Variants in SPMAP2 observed in about 807,000 individuals in gnomAD.
SPMAP2 encodes sperm microtubule associated protein 2.
At chr19:365,452 T>C in the SPMAP2 span, among the ~76,000 whole-genome samples, 7 of 152,016 alleles carry the variant, frequency 4.6e-5, no homozygotes, top group East Asian at 1.3e-3. Flanking sequence ...CAGCAGCAAC[T>C]GAGCCCACAT....
At chr19:361,929 G>A in the SPMAP2 span, 7,772 of 238,244 alleles carry the variant, frequency 0.033, 745 homozygotes, top group African/African-American at 0.09. Flanking sequence ...TGTGGCTGTC[G>A]TTCCGACTCC....
chr19:375,606 GC>G, the SPMAP2 span: 2 of 1,461,380 alleles, frequency 1.4e-6, no homozygotes, highest in Non-Finnish European at 9.1e-7. Context: ...TCCCCCCACT[GC>G]CAGGGGCTGA....
chr19:371,526 CA>C, the SPMAP2 span, among the ~76,000 whole-genome samples: 1 of 152,170 alleles, frequency 6.6e-6, no homozygotes, highest in African/African-American at 2.4e-5. Context: ...CGTCTCCAAA[CA>C]GGGATTCGTA....
chr19:371,344 G>T, the SPMAP2 span: 1 of 1,398,150 alleles, frequency 7.2e-7, no homozygotes, highest in Non-Finnish European at 9.5e-7. Flanking sequence ...CCCCATTTTA[G>T]ACCAGCAGCT....
chr19:371,371 T>TGGGG, the SPMAP2 span: 1 of 260,698 alleles, frequency 3.8e-6, no homozygotes, highest in South Asian at 9.7e-5. Context: ...GGGGTGGGGG[T>TGGGG]GTGTGTGTGT....
chr19:371,373 T>G, the SPMAP2 span: 10 of 512,888 alleles, frequency 1.9e-5, no homozygotes, highest in East Asian at 4.0e-5. Flanking sequence ...GGTGGGGGTG[T>G]GTGTGTGTGT....
the SPMAP2 span, chr19:373,379 G>A: frequency 3.2e-6 from 4 of 1,262,588 alleles, no homozygotes; most frequent in Non-Finnish European, 4.6e-6. Flanking sequence ...ATGGGGCAAG[G>A]GAGGCCAGAA....
At chr19:367,410 C>CA in the SPMAP2 span, among the ~76,000 whole-genome samples, 113 of 152,116 alleles carry the variant, frequency 7.4e-4, no homozygotes, top group African/African-American at 2.6e-3. Flanking sequence ...AACCAATAAC[C>CA]AAAAAAACCC....
At chr19:373,802 G>T in the SPMAP2 span, 1 of 852,760 alleles carries the variant, frequency 1.2e-6, no homozygotes, top group Non-Finnish European at 1.9e-6. Flanking sequence ...GGTCACAAGG[G>T]TGGAGAGCCC....
the SPMAP2 span, among the ~76,000 whole-genome samples, chr19:364,741 C>T: frequency 0.047 from 7,107 of 151,948 alleles, 376 homozygotes; most frequent in East Asian, 0.23. Context: ...ACTCGTGGCC[C>T]CCTCCTCCTG....
chr19:364,150 G>A, the SPMAP2 span, among the ~76,000 whole-genome samples: 227 of 149,946 alleles, frequency 1.5e-3, 1 homozygote, highest in African/African-American at 4.0e-3. Flanking sequence ...TGGCTCACAC[G>A]GTGAAATCCC....
the SPMAP2 span, among the ~76,000 whole-genome samples, chr19:367,988 C>T: frequency 1.3e-5 from 2 of 152,116 alleles, no homozygotes; most frequent in Non-Finnish European, 2.9e-5. Flanking sequence ...GATATGAAAA[C>T]GATGGCAGTG....
chr19:372,753 T>C, the SPMAP2 span: 1 of 1,440,814 alleles, frequency 6.9e-7, no homozygotes, highest in Non-Finnish European at 9.8e-7. Flanking sequence ...CACCCTGCAG[T>C]TCCCAGGGGC....
the SPMAP2 span, chr19:373,599 G>GCAGAGACCCA: frequency 6.5e-7 from 1 of 1,537,504 alleles, no homozygotes; most frequent in Non-Finnish European, 8.9e-7. Context: ...AACAAGCCTG[G>GCAGAGACCCA]GTCTCTGCCA....
the SPMAP2 span, among the ~76,000 whole-genome samples, chr19:370,732 T>C: frequency 6.6e-6 from 1 of 152,208 alleles, no homozygotes. Context: ...CGGCAAATTC[T>C]GGAATTGAAC....
At chr19:369,398 C>T in the SPMAP2 span, among the ~76,000 whole-genome samples, 1 of 151,698 alleles carries the variant, frequency 6.6e-6, no homozygotes, top group Non-Finnish European at 1.5e-5. Context: ...GCTTCCACTC[C>T]CCGCCCGGAG....
At chr19:369,739 G>C in the SPMAP2 span, among the ~76,000 whole-genome samples, 5 of 152,196 alleles carry the variant, frequency 3.3e-5, no homozygotes, top group African/African-American at 1.2e-4. Flanking sequence ...TATAGGTTTT[G>C]GGATAGGTGG....
chr19:364,802 C>T, the SPMAP2 span, among the ~76,000 whole-genome samples: 1 of 151,886 alleles, frequency 6.6e-6, no homozygotes, highest in African/African-American at 2.4e-5. Context: ...TAGCAGGGAG[C>T]TGCAGCAGAC....
chr19:373,657 C>T, the SPMAP2 span: 1 of 871,334 alleles, frequency 1.1e-6, no homozygotes, highest in Non-Finnish European at 1.8e-6. Context: ...AGGGGGTAGG[C>T]CAGAGAAGGA....
Sources: allele counts gnomAD v4.1 joint callset (sites outside exome capture counted in the v4.1 genomes callset), GRCh38; gene constraint gnomAD v4.1.1; transcripts MANE v1.5; gene names NCBI Gene and HGNC (gene_info 2026-07-23, HGNC 2026-07-21).